MYLIP: variants seen among roughly 807,000 people sequenced by gnomAD.
The protein encoded by MYLIP is E3 ubiquitin-protein ligase MYLIP.
MYLIP carries 26 observed loss-of-function variants against 45.8 expected under a neutral mutation model. The ratio of observed to expected loss-of-function variants is 0.57; its 90% CI spans 0.42 to 0.79. The LOEUF is 0.79. Among genes scored for constraint, MYLIP ranks in the 30% least tolerant of loss-of-function variants. The pLI, the probability that MYLIP is intolerant of heterozygous loss-of-function variation, is 0.00. For missense variants in MYLIP, 494 were observed against 555.6 expected (o/e 0.89, Z 1.11); for synonymous variants, 213 against 218.1 (o/e 0.98, Z 0.21).
chr6:16,136,979 C>A (rs1759569994), intron 2 of MYLIP, among the ~76,000 whole-genome samples: 1 of 152,192 alleles, frequency 6.6e-6, no homozygotes, highest in Admixed American at 6.5e-5. Context: ...CCTCCTGTGG[C>A]TTACCTGTTT....
In MYLIP at chr6:16,140,853, T is replaced by TGGC. The variant is rs752703102; in HGVS notation, c.279-772_279-771insGGC. Among the ~76,000 whole-genome samples the TGGC allele has an allele frequency of 7.5e-3, 1,146 of 152,284 alleles. 17 individuals carry two copies. The highest frequency in any genetic ancestry group is 0.026 in the African/African-American group (1,072 of 41,550). The stretch of plus-strand genomic sequence containing the variant: ...TTTGAGCAGAGAAATGACAAGTTTA[T>TGGC]ACTAGAAACAAGCAGCATGGAAGGT... On this transcript the variant is annotated intron_variant, in intron 2 of 6. Transcript: ENST00000356840.
the MYLIP span, among the ~76,000 whole-genome samples, chr6:16,159,565 G>A: frequency 1.3e-4 from 20 of 152,080 alleles, no homozygotes; most frequent in Non-Finnish European, 2.9e-5. Flanking sequence ...GCAGTCTGTT[G>A]TGTTCAAACA....
At chr6:16,158,862 T>C in the MYLIP span, among the ~76,000 whole-genome samples, 4 of 152,210 alleles carry the variant, frequency 2.6e-5, no homozygotes, top group East Asian at 7.7e-4. Flanking sequence ...AGAGCAAGAC[T>C]CCGTCTCAAA....
downstream of MYLIP, among the ~76,000 whole-genome samples, chr6:16,148,930 T>C (rs1221834446): frequency 2.0e-5 from 3 of 152,228 alleles, no homozygotes; most frequent in Non-Finnish European, 4.4e-5. Context: ...AAATTTATTT[T>C]TTTTAATTAG....
In MYLIP at chr6:16,146,902, A is replaced by T; in HGVS notation, c.*151A>T. The T allele has an allele frequency of 1.6e-6, 1 of 643,752 alleles. No homozygotes were observed. The highest frequency in any genetic ancestry group is 2.2e-5 in the South Asian group (1 of 45,810). The allele number at this position is 643,752 out of a possible 1,614,324, so 39.9% of individuals were successfully genotyped here. On this transcript the variant is annotated 3_prime_UTR_variant, in exon 7 of 7. Transcript: ENST00000356840. ...AAAAAGGAAGAAAAATAACACAGCTACTCCTCACTGCAAAAACATATCCAT... is the reference window on the plus strand; with the variant it reads ...AAAAAGGAAGAAAAATAACACAGCTTCTCCTCACTGCAAAAACATATCCAT...
chr6:16,158,890 A>C, the MYLIP span, among the ~76,000 whole-genome samples: 1 of 152,126 alleles, frequency 6.6e-6, no homozygotes, highest in Non-Finnish European at 1.5e-5. Context: ...AAAACAAAAC[A>C]AAACAAAGAT....
At chr6:16,150,829 C>T (rs1759869339), downstream of MYLIP, among the ~76,000 whole-genome samples, 1 of 152,134 alleles carries the variant, frequency 6.6e-6, no homozygotes, top group African/African-American at 2.4e-5. Flanking sequence ...TTATTCCCAT[C>T]CTACCCCATT....
At chr6:16,162,802 A>G in the MYLIP span, among the ~76,000 whole-genome samples, 29 of 151,186 alleles carry the variant, frequency 1.9e-4, 1 homozygote, top group East Asian at 5.8e-4. Flanking sequence ...AAAAAAAAAA[A>G]AAAGAAATTC....
downstream of MYLIP, among the ~76,000 whole-genome samples, chr6:16,149,144 C>G (rs555508378): frequency 6.6e-6 from 1 of 152,188 alleles, no homozygotes; most frequent in East Asian, 1.9e-4. Flanking sequence ...TTTGTCTCTG[C>G]GCGGAAGTTA....
the MYLIP span, among the ~76,000 whole-genome samples, chr6:16,157,027 A>G: frequency 3.9e-5 from 6 of 152,130 alleles, no homozygotes; most frequent in African/African-American, 1.4e-4. Context: ...TTCACTTAAC[A>G]TCCACATGAC....
chr6:16,130,407 C>T lies in MYLIP; in HGVS notation c.88-150C>T, dbSNP rs180810500. The T allele has an allele frequency of 2.3e-3, 1,634 of 696,536 alleles. 22 individuals carry two copies. The highest frequency in any genetic ancestry group is 0.018 in the South Asian group (958 of 52,474). 43.1% of individuals were successfully genotyped at this position (696,536 alleles called of 1,614,324 possible). On this transcript the variant is annotated intron_variant, in intron 1 of 6. Coordinates refer to ENST00000356840, the MANE Select transcript of MYLIP (RefSeq NM_013262.4). ...AGCTCGTGGTTTGGTATCATTGGAGCCGTGGAACTTTGTTTTTCCAGTTTA... is the reference window on the plus strand; with the variant it reads ...AGCTCGTGGTTTGGTATCATTGGAGTCGTGGAACTTTGTTTTTCCAGTTTA...
At chr6:16,143,624 G>C (rs564252332) in intron 4 of MYLIP, 75 bp from the exon 5 acceptor site, 1 of 1,505,902 alleles carries the variant, frequency 6.6e-7, no homozygotes, top group Non-Finnish European at 9.1e-7. Flanking sequence ...AGCAAATGGG[G>C]ATCCCACAAA....
chr6:16,136,282 T>C (rs891172782), intron 2 of MYLIP, among the ~76,000 whole-genome samples: 5 of 151,358 alleles, frequency 3.3e-5, no homozygotes, highest in Admixed American at 2.0e-4. Context: ...CATGTGTTCT[T>C]CTACCAGAGA....
intron 2 of MYLIP, among the ~76,000 whole-genome samples, chr6:16,134,461 CCTTT>C (rs1259547669): frequency 6.6e-6 from 1 of 152,140 alleles, no homozygotes; most frequent in Non-Finnish European, 1.5e-5. Flanking sequence ...TCTTTTGCTT[CCTTT>C]CTTTCACCCC....
the MYLIP span, among the ~76,000 whole-genome samples, chr6:16,161,929 T>C: frequency 6.6e-6 from 1 of 152,242 alleles, no homozygotes; most frequent in African/African-American, 2.4e-5. Context: ...AAGGGAGATA[T>C]TGGTAAAAAT....
chr6:16,129,239 G>A lies in MYLIP; in HGVS notation c.-84G>A. The A allele has an allele frequency of 7.0e-7, 1 of 1,421,142 alleles. No individual in the cohort carries two copies. Among genetic ancestry groups the A allele is most frequent in the Non-Finnish European group, 9.6e-7 (1 of 1,038,218 alleles). 88.0% of individuals were successfully genotyped at this position (1,421,142 alleles called of 1,614,324 possible). ...TCGAGGGCCAGCCCTCTCCGAGTCC[G>A]GGGCTGGGTCCCACCAGTGACAAGG... is the stretch of plus-strand genomic sequence containing the variant. On this transcript the variant is annotated 5_prime_UTR_variant, in exon 1 of 7. Coordinates refer to ENST00000356840, the MANE Select transcript of MYLIP (RefSeq NM_013262.4). This position sits in a 1 kb window ranked among gnomAD's most constrained non-coding sequence, Gnocchi z 5.1.
chr6:16,155,245 A>C, the MYLIP span, among the ~76,000 whole-genome samples: 1 of 152,244 alleles, frequency 6.6e-6, no homozygotes, highest in South Asian at 2.1e-4. Flanking sequence ...TGGCCAAAAG[A>C]CCAGAGCCAA....
chr6:16,129,093 C>A lies in MYLIP; in HGVS notation c.-230C>A, dbSNP rs1370701316. The A allele has an allele frequency of 1.6e-5, 9 of 546,388 alleles. No homozygotes were observed. The highest frequency in any genetic ancestry group is 2.9e-5 in the Non-Finnish European group (9 of 308,654). The allele number at this position is 546,388 out of a possible 1,614,324, so 33.8% of individuals were successfully genotyped here. A position where few individuals can be genotyped will look rare whatever the true frequency, so the allele number is the denominator to read the frequency against. The stretch of plus-strand genomic sequence containing the variant: ...CCCTGTCGCAGCGCAGGCAGTTGGG[C>A]TGCTGGAGTGCGGCGCCACCGCGGA... On this transcript the variant is annotated 5_prime_UTR_variant, in exon 1 of 7. In the 5' UTR this introduces an upstream ATG that the reference lacks. Coordinates refer to ENST00000356840, the MANE Select transcript of MYLIP (RefSeq NM_013262.4). This position sits in a 1 kb window ranked among gnomAD's most constrained non-coding sequence, Gnocchi z 5.1.
intron 6 of MYLIP, 34 bp from the exon 7 acceptor site, chr6:16,146,628 A>C (rs1047832965): frequency 1.3e-6 from 2 of 1,572,836 alleles, no homozygotes; most frequent in Non-Finnish European, 1.7e-6. Flanking sequence ...CGAGGCTTGC[A>C]TGCTAACAGA....
Sources: allele counts gnomAD v4.1 joint callset (sites outside exome capture counted in the v4.1 genomes callset), GRCh38; gene constraint gnomAD v4.1.1; non-coding constraint Gnocchi (gnomAD v3.1); transcripts MANE v1.5; gene names NCBI Gene and HGNC (gene_info 2026-07-23, HGNC 2026-07-21).